The following FBXL17 variants were observed in gnomAD, a reference collection of about 807,000 sequenced individuals.
The protein encoded by FBXL17 is F-box/LRR-repeat protein 17.
FBXL17 carries 22 observed loss-of-function variants against 66.2 expected under a neutral mutation model. The ratio of observed to expected loss-of-function variants is 0.33; its 90% CI spans 0.24 to 0.47. The LOEUF (loss-of-function observed/expected upper bound fraction) is 0.47, where lower values mean the gene tolerates loss of function less well. Among genes scored for constraint, FBXL17 ranks in the 20% least tolerant of loss-of-function variants. The pLI, the probability that FBXL17 is intolerant of heterozygous loss-of-function variation, is 1.00. For missense variants in FBXL17, 878 were observed against 948.2 expected (o/e 0.93, Z 0.97); for synonymous variants, 474 against 400.5 (o/e 1.18, Z -2.19).
intron 7 of FBXL17, among the ~76,000 whole-genome samples, chr5:108,009,817 T>G (rs1378197061): frequency 3.3e-5 from 5 of 152,286 alleles, no homozygotes; most frequent in African/African-American, 4.8e-5. Context: ...ATCATCAATC[T>G]GTCTGGTTCT....
chr5:108,134,735 T>C (rs1187629520), intron 6 of FBXL17, among the ~76,000 whole-genome samples: 8 of 152,310 alleles, frequency 5.3e-5, no homozygotes, highest in African/African-American at 1.7e-4. Context: ...TATATTGATG[T>C]ATCCGCTGGT....
chr5:108,093,837 A>G (rs1297394430), intron 6 of FBXL17, among the ~76,000 whole-genome samples: 1 of 152,176 alleles, frequency 6.6e-6, no homozygotes, highest in Non-Finnish European at 1.5e-5. Context: ...TGTAATGTAA[A>G]TGTATGATAA....
chr5:108,300,467 G>T (rs1758537579), intron 4 of FBXL17, among the ~76,000 whole-genome samples: 2 of 151,722 alleles, frequency 1.3e-5, no homozygotes, highest in Non-Finnish European at 2.9e-5. Flanking sequence ...TAATTAAATG[G>T]TTGAATCAAA....
chr5:108,212,936 T>G (rs2150063254), intron 5 of FBXL17, among the ~76,000 whole-genome samples: 1 of 152,318 alleles, frequency 6.6e-6, no homozygotes, highest in Non-Finnish European at 1.5e-5. Context: ...CTCCAGGTGC[T>G]CTGTCCCAGG....
chr5:107,923,655 T>C (rs1561322815), intron 7 of FBXL17, among the ~76,000 whole-genome samples: 2 of 152,128 alleles, frequency 1.3e-5, no homozygotes, highest in Non-Finnish European at 2.9e-5. Context: ...TAAAATGAAA[T>C]GCACTTTTAA....
chr5:108,307,883 A>T (rs1758924637), intron 4 of FBXL17, among the ~76,000 whole-genome samples: 2 of 152,140 alleles, frequency 1.3e-5, no homozygotes, highest in South Asian at 4.1e-4. Flanking sequence ...AAACTTTATA[A>T]GCAATTCCAG....
At chr5:108,292,708 T>C (rs1441118477) in intron 4 of FBXL17, among the ~76,000 whole-genome samples, 1 of 152,248 alleles carries the variant, frequency 6.6e-6, no homozygotes, top group Non-Finnish European at 1.5e-5. Flanking sequence ...GAACATCACA[T>C]TTTAATTCTC....
chr5:108,040,789 G>T (rs1312182409), intron 6 of FBXL17, among the ~76,000 whole-genome samples: 1 of 152,158 alleles, frequency 6.6e-6, no homozygotes, highest in South Asian at 2.1e-4. Context: ...TGGACATGAG[G>T]TTTTTACCGT....
At chr5:107,983,958 G>A (rs12523521) in intron 7 of FBXL17, among the ~76,000 whole-genome samples, 27,321 of 151,770 alleles carry the variant, frequency 0.18, 2,800 homozygotes, top group Middle Eastern at 0.24. Context: ...AATAATTGAC[G>A]CCCAGAAAAC....
rs548532771 is a variant in FBXL17, at chr5:108,357,780, G to A, written c.1374+6958C>T. ...GTACACGTGTACAACGTGCAGGTTT[G>A]TTACATAGGTATACATGAATGACAC... On this transcript the variant is annotated intron_variant, in intron 3 of 8. Coordinates refer to ENST00000542267, the MANE Select transcript of FBXL17 (RefSeq NM_001163315.3). Among the ~76,000 whole-genome samples the A allele has an allele frequency of 2.6e-4, 40 of 151,698 alleles. No individual in the cohort carries two copies. The South Asian group carries it at 8.1e-3, about 31-fold the overall frequency.
chr5:107,867,319 C>G lies in FBXL17; in HGVS notation c.1966-5459G>C, dbSNP rs560540770. On this transcript the variant is annotated intron_variant, in intron 8 of 8. Transcript: ENST00000542267. ...AAAGCAGCTCATGATGGTAGTTTAA[C>G]AAGTTTTGCTGGGTCATGTGGCTGT... 6.6e-5 allele frequency among the ~76,000 whole-genome samples: 10 copies of G among 152,328 alleles called. No individual in the cohort carries two copies. The South Asian group carries it at 2.1e-3, about 32-fold the overall frequency.
chr5:107,947,719 A>T (rs1461962030), intron 7 of FBXL17, among the ~76,000 whole-genome samples: 1 of 152,216 alleles, frequency 6.6e-6, no homozygotes, highest in Non-Finnish European at 1.5e-5. Flanking sequence ...GACAGTGGAA[A>T]GAACCCTAGA....
chr5:108,166,291 C>T (rs1423251799), intron 6 of FBXL17, among the ~76,000 whole-genome samples: 1 of 152,120 alleles, frequency 6.6e-6, no homozygotes, highest in African/African-American at 2.4e-5. Context: ...CAGAGCAAGA[C>T]CCAAGCAAAG....
chr5:107,903,774 T>G (rs964900533), intron 7 of FBXL17, among the ~76,000 whole-genome samples: 1 of 152,034 alleles, frequency 6.6e-6, no homozygotes, highest in Non-Finnish European at 1.5e-5. Context: ...ATAGAAACCA[T>G]CCTAACACAA....
intron 7 of FBXL17, among the ~76,000 whole-genome samples, chr5:107,983,657 A>G (rs1345246145): frequency 6.6e-6 from 1 of 152,242 alleles, no homozygotes; most frequent in Non-Finnish European, 1.5e-5. Flanking sequence ...TCTCGGGTCC[A>G]TCCCAAAGAA....
chr5:107,950,397 C>G (rs1451242779), intron 7 of FBXL17, among the ~76,000 whole-genome samples: 1 of 152,114 alleles, frequency 6.6e-6, no homozygotes, highest in African/African-American at 2.4e-5. Flanking sequence ...GTTATTAACA[C>G]TGTGAATATT....
chr5:108,319,034 C>T (rs1759498319), intron 4 of FBXL17, among the ~76,000 whole-genome samples: 1 of 151,844 alleles, frequency 6.6e-6, no homozygotes, highest in African/African-American at 2.4e-5. Context: ...TGTCTACTCC[C>T]CTGAAAGACA....
At chr5:108,261,875 A>C (rs1355115600) in intron 4 of FBXL17, among the ~76,000 whole-genome samples, 1 of 152,088 alleles carries the variant, frequency 6.6e-6, no homozygotes, top group Non-Finnish European at 1.5e-5. Flanking sequence ...AAAATTCCAA[A>C]CAAAAATGTA....
At chr5:108,278,904 A>G (rs571692228) in intron 4 of FBXL17, among the ~76,000 whole-genome samples, 12 of 152,280 alleles carry the variant, frequency 7.9e-5, no homozygotes, top group African/African-American at 2.9e-4. Context: ...CTCCTTTGAC[A>G]AGACAGGGTA....
Sources: allele counts gnomAD v4.1 joint callset (sites outside exome capture counted in the v4.1 genomes callset), GRCh38; gene constraint gnomAD v4.1.1; transcripts MANE v1.5; gene names NCBI Gene and HGNC (gene_info 2026-07-23, HGNC 2026-07-21).